Variants in MMP24 observed in about 807,000 individuals in gnomAD.
MMP24 encodes the protein matrix metalloproteinase-24.
In MMP24, 25 loss-of-function variants were observed where a neutral mutation model predicts 62.8. The observed-to-expected ratio is 0.40, with a 90% CI of 0.29 to 0.56. MMP24 has a LOEUF of 0.56. Ranked by LOEUF, MMP24 falls within the 20% of genes least tolerant of loss-of-function variation. The pLI is 0.50. For synonymous variants in MMP24, 319 were observed against 350.5 expected (o/e 0.91, Z 1.00); for missense variants, 634 against 853.6 (o/e 0.74, Z 3.21).
At chr20:35,266,222 C>T (rs890563528) in intron 5 of MMP24, among the ~76,000 whole-genome samples, 5 of 137,992 alleles carry the variant, frequency 3.6e-5, no homozygotes, top group East Asian at 2.1e-4. Context: ...TGTGGTGGTA[C>T]GTGCCTGTAG....
In MMP24 at chr20:35,276,008, A is replaced by G. The variant is rs932951488; in HGVS notation, c.*1399A>G. 1.8e-5 allele frequency: 7 copies of G among 398,512 alleles called. No individual in the cohort carries two copies. The highest frequency in any genetic ancestry group is 1.0e-4 in the African/African-American group (5 of 48,616). 24.7% of individuals were successfully genotyped at this position (398,512 alleles called of 1,614,324 possible). ...AGCCCTAGACAAGGCCAATGGGTTC[A>G]TCAATGCCCACTGGCTCTCTGCCAA... On this transcript the variant is annotated 3_prime_UTR_variant, in exon 9 of 9. Coordinates refer to ENST00000246186, the MANE Select transcript of MMP24 (RefSeq NM_006690.4).
intron 4 of MMP24, 66 bp from the exon 5 acceptor site, chr20:35,263,725 T>C (rs2060616478): frequency 7.4e-7 from 1 of 1,347,822 alleles, no homozygotes; most frequent in Non-Finnish European, 9.8e-7. Flanking sequence ...GCTGAGGTAA[T>C]GGGTTGGCTG....
rs1472630369 is a variant in MMP24 at position 35,271,764 on chromosome 20, A to G, written c.1529A>G (p.Tyr510Cys). 1 of 1,600,800 alleles carries G rather than the reference A, an allele frequency of 6.2e-7. No homozygotes were observed. The highest frequency in any genetic ancestry group is 1.1e-5 in the South Asian group (1 of 89,036). ...GAGCGGCGGGCCACGGACCCTGGCT[A>G]CCCTAAGCCCATCACCGTGTGGAAG... ...SEERRATDPG[Y>C]PKPITVWKGI... Residue 510 changes from tyrosine to cysteine, a missense_variant, in exon 8 of 9, where the codon TAC (tyrosine) becomes TGC (cysteine). Coordinates refer to ENST00000246186, the MANE Select transcript of MMP24 (RefSeq NM_006690.4). This position sits in a 1 kb window ranked among gnomAD's most constrained non-coding sequence, Gnocchi z 4.0.
chr20:35,227,176 G>C (rs1028992547), intron 1 of MMP24, among the ~76,000 whole-genome samples, 192 bp downstream of exon 1: 2 of 151,284 alleles, frequency 1.3e-5, no homozygotes, highest in Non-Finnish European at 3.0e-5. Flanking sequence ...GCCGAGGGCC[G>C]CCGAGGCCGG....
intron 6 of MMP24, chr20:35,267,804 G>A (rs2060643925): frequency 3.6e-6 from 1 of 280,662 alleles, no homozygotes; most frequent in Non-Finnish European, 6.9e-6. Flanking sequence ...TCAACTTGGA[G>A]TAGGGGCTAG....
intron 2 of MMP24, among the ~76,000 whole-genome samples, chr20:35,251,181 C>T (rs1259822725): frequency 6.7e-6 from 1 of 149,736 alleles, no homozygotes; most frequent in Non-Finnish European, 1.5e-5. Flanking sequence ...CACAATGGCA[C>T]AATCTTGGTT....
intron 5 of MMP24, among the ~76,000 whole-genome samples, chr20:35,266,351 C>CAA (rs3055615): frequency 7.8e-4 from 44 of 56,384 alleles, no homozygotes; most frequent in South Asian, 1.3e-3. Context: ...GACTCCTTCT[C>CAA]AAAAAAAAAA....
rs2060641973 is a variant in MMP24 at position 35,267,407 on chromosome 20, GTTTGTC to G, written c.1186_1191del (p.Val396_Phe397del). 6.4e-7 allele frequency: 1 copy of G among 1,556,728 alleles called. No individual in the cohort carries two copies. Among genetic ancestry groups the G allele is most frequent in the Non-Finnish European group, 8.7e-7 (1 of 1,150,148 alleles). The stretch of plus-strand genomic sequence containing the variant: ...CAGTGGCCCTCTTCCGGGGCGAGAT[GTTTGTC>G]TTTAAGGTAGGGCCAATGGATTGGC... On this transcript the variant is annotated inframe_deletion, in exon 6 of 9. Coordinates refer to ENST00000246186, the MANE Select transcript of MMP24 (RefSeq NM_006690.4).
rs1466585605 is a variant in MMP24, at chr20:35,274,258, C to T, written c.1601-14C>T. On this transcript the variant is annotated splice_polypyrimidine_tract_variant and intron_variant, in intron 8 of 8. Transcript: ENST00000246186. This position sits in a 1 kb window ranked among gnomAD's most constrained non-coding sequence, Gnocchi z 5.1. ...AGTGTCTGGGAGTGGTGATGCTGGG[C>T]TGTATTTCTGCAGATTACACCTATT... 6.3e-7 allele frequency: 1 copy of T among 1,591,354 alleles called. No individual in the cohort carries two copies. The highest frequency in any genetic ancestry group is 1.7e-5 in the Admixed American group (1 of 59,446).
In MMP24 at chr20:35,254,492, G is replaced by C; in HGVS notation, c.555G>C (p.Arg185=). The part of the protein sequence containing the change: ...YTPKVGELDT[R]KAIRQAFDVW... ...CAAAAGTGGGTGAGCTAGACACGCG[G>C]AAAGCTATTCGCCAGGCTTTCGATG... The change falls in exon 4 of 9, where the codon CGG becomes CGC. Residue 185 remains arginine, a synonymous_variant. Transcript: ENST00000246186. 6.2e-7 allele frequency: 1 copy of C among 1,614,068 alleles called. No individual in the cohort carries two copies. Among genetic ancestry groups the C allele is most frequent in the Non-Finnish European group, 8.5e-7 (1 of 1,179,910 alleles).
At chr20:35,236,654 G>A (rs2060464805) in intron 1 of MMP24, among the ~76,000 whole-genome samples, 1 of 152,012 alleles carries the variant, frequency 6.6e-6, no homozygotes, top group Non-Finnish European at 1.5e-5. Context: ...CAAACGTGGT[G>A]GTCAAAGAGG....
At chr20:35,230,731 CT>C (rs1430451344) in intron 1 of MMP24, among the ~76,000 whole-genome samples, 1 of 152,210 alleles carries the variant, frequency 6.6e-6, no homozygotes, top group Non-Finnish European at 1.5e-5. Context: ...TACTACAGCA[CT>C]TACTAGATAC....
rs1259633478 is a variant in MMP24 at position 35,269,750 on chromosome 20, T to C, written c.1195-10T>C. On this transcript the variant is annotated splice_polypyrimidine_tract_variant and intron_variant, in intron 6 of 8. Coordinates refer to ENST00000246186, the MANE Select transcript of MMP24 (RefSeq NM_006690.4). This position sits in a 1 kb window ranked among gnomAD's most constrained non-coding sequence, Gnocchi z 4.6. Reference sequence around the variant, plus strand: ...ACACACCTCTCTCCCCCTCTCCCGCTTCCTCCCAGGATCGCTGGTTCTGGC... The same window carrying C: ...ACACACCTCTCTCCCCCTCTCCCGCCTCCTCCCAGGATCGCTGGTTCTGGC... 6.4e-7 allele frequency: 1 copy of C among 1,566,722 alleles called. No individual in the cohort carries two copies. Among genetic ancestry groups the C allele is most frequent in the Admixed American group, 1.9e-5 (1 of 52,988 alleles).
At chr20:35,261,339 C>A (rs1008363659) in intron 4 of MMP24, among the ~76,000 whole-genome samples, 2 of 152,220 alleles carry the variant, frequency 1.3e-5, no homozygotes, top group African/African-American at 4.8e-5. Context: ...CATAGGATTA[C>A]AACAGCTGCC....
chr20:35,263,618 C>A (rs2060615819), intron 4 of MMP24, 173 bp from the exon 5 acceptor site: 2 of 501,154 alleles, frequency 4.0e-6, no homozygotes, highest in Non-Finnish European at 7.0e-6. Context: ...TGTCCCTGCT[C>A]TGCAGAGAGG....
At chr20:35,256,506 G>C (rs961010116) in intron 4 of MMP24, 1 of 152,078 alleles carries the variant, frequency 6.6e-6, no homozygotes, top group Admixed American at 6.6e-5. Flanking sequence ...GATCACCTGA[G>C]GTCGGGAGTT....
chr20:35,245,122 G>A (rs974880766), intron 1 of MMP24, among the ~76,000 whole-genome samples: 58 of 152,136 alleles, frequency 3.8e-4, no homozygotes, highest in African/African-American at 1.3e-3. Context: ...TTACTCCCGG[G>A]CTCAAGCGAT....
chr20:35,264,688 A>AG (rs1465751928), intron 5 of MMP24, among the ~76,000 whole-genome samples: 3 of 143,658 alleles, frequency 2.1e-5, no homozygotes, highest in African/African-American at 2.6e-5. Context: ...AGCCTGGGCA[A>AG]CAGGGCGAGA....
intron 4 of MMP24, 74 bp from the exon 5 acceptor site, chr20:35,263,717 T>C: frequency 7.6e-7 from 1 of 1,308,284 alleles, no homozygotes; most frequent in Non-Finnish European, 1.0e-6. Flanking sequence ...CGGTGTTTGC[T>C]GAGGTAATGG....
Sources: gnomAD v4.1 joint callset for allele counts (sites outside exome capture counted in the v4.1 genomes callset) on GRCh38, gnomAD v4.1.1 for gene constraint, Gnocchi (gnomAD v3.1) non-coding constraint, MANE v1.5 for transcripts, NCBI Gene and HGNC (gene_info 2026-07-23, HGNC 2026-07-21) for gene names.